FREM1: variants seen among roughly 807,000 people sequenced by gnomAD.
The protein encoded by FREM1 is FRAS1 related extracellular matrix 1.
Under a neutral mutation model 210.1 loss-of-function variants are expected in FREM1, and 220 were observed. The ratio of observed to expected loss-of-function variants is 1.05; its 90% CI spans 0.94 to 1.17. FREM1 has a LOEUF of 1.17. FREM1 is among the 50% of genes most tolerant of loss of function. The pLI, the probability that FREM1 is intolerant of heterozygous loss-of-function variation, is 0.00. For synonymous variants in FREM1, 1,189 were observed against 980.2 expected (o/e 1.21, Z -3.98); for missense variants, 3,454 against 2,675.5 (o/e 1.29, Z -6.42).
intron 1 of FREM1, among the ~76,000 whole-genome samples, chr9:14,906,858 A>C (rs746276514): frequency 4.6e-5 from 7 of 152,220 alleles, no homozygotes; most frequent in Non-Finnish European, 8.8e-5. Context: ...CTTGAGGCTC[A>C]GTCGCTCCCT....
chr9:14,769,444 G>C (rs1847118602), intron 27 of FREM1, among the ~76,000 whole-genome samples: 1 of 152,174 alleles, frequency 6.6e-6, no homozygotes, highest in African/African-American at 2.4e-5. Flanking sequence ...TGGTAAGACA[G>C]AACCCTCCCT....
intron 1 of FREM1, among the ~76,000 whole-genome samples, chr9:14,875,436 C>T (rs1448972155): frequency 6.6e-6 from 1 of 152,196 alleles, no homozygotes; most frequent in Non-Finnish European, 1.5e-5. Context: ...CATCCTCCAT[C>T]ACTGATACCC....
chr9:14,851,336 T>G lies in FREM1; in HGVS notation c.1100A>C (p.Gln367Pro). The G allele has an allele frequency of 3.1e-6, 5 of 1,610,152 alleles. No individual in the cohort carries two copies. The South Asian group carries it at 5.5e-5, about 18-fold the overall frequency. The change falls in exon 6 of 37, where the codon CAG becomes CCG. Residue 367 changes from glutamine to proline, a missense_variant. By Grantham distance (76) the Gln-to-Pro change is moderately conservative (BLOSUM62 -1). Coordinates refer to ENST00000380880, the MANE Select transcript of FREM1 (RefSeq NM_001379081.2). Reference protein sequence around the residue: ...SFTWKDLSDMQIAYQPPNSSH... With the variant: ...SFTWKDLSDMPIAYQPPNSSH... ...GCTGTTTGGTGGCTGATAGGCGATC[T>G]GCATGTCACTGAGATCTTTCCAGGT...
At chr9:14,882,813 T>C (rs1835023841) in intron 1 of FREM1, among the ~76,000 whole-genome samples, 2 of 148,446 alleles carry the variant, frequency 1.3e-5, no homozygotes, top group South Asian at 2.1e-4. Context: ...AATGGGAGGC[T>C]GAAGCAGGAG....
chr9:14,904,395 A>G lies in FREM1; in HGVS notation c.-268+5519T>C, dbSNP rs532273840. On this transcript the variant is annotated intron_variant, in intron 1 of 36. Coordinates refer to ENST00000380880, the MANE Select transcript of FREM1 (RefSeq NM_001379081.2). ...ACTGTTATCACTGAGGACACAATCA[A>G]GATCCACAGCTTTGATAATCAGAGC... is the stretch of plus-strand genomic sequence containing the variant. Among the ~76,000 whole-genome samples the G allele has an allele frequency of 2.6e-5, 4 of 152,354 alleles. No homozygotes were observed. In the South Asian group the frequency reaches 8.3e-4, roughly 32 times the overall value.
intron 1 of FREM1, among the ~76,000 whole-genome samples, chr9:14,881,490 G>C (rs1342393167): frequency 6.6e-6 from 1 of 152,202 alleles, no homozygotes; most frequent in Non-Finnish European, 1.5e-5. Flanking sequence ...ACTGACTTAA[G>C]AAAGGCAATG....
intron 14 of FREM1, among the ~76,000 whole-genome samples, chr9:14,818,678 G>A (rs1045116983): frequency 6.6e-6 from 1 of 152,158 alleles, no homozygotes; most frequent in African/African-American, 2.4e-5. Context: ...GTTTCTCTAG[G>A]ACCATGAGGC....
intron 27 of FREM1, among the ~76,000 whole-genome samples, chr9:14,760,256 A>C (rs985723965): frequency 6.6e-6 from 1 of 152,206 alleles, no homozygotes; most frequent in South Asian, 2.1e-4. Flanking sequence ...GTTCAAGGAG[A>C]CATTCCTTTT....
chr9:14,902,966 C>T (rs762035489), intron 1 of FREM1, among the ~76,000 whole-genome samples: 14 of 152,150 alleles, frequency 9.2e-5, no homozygotes, highest in Non-Finnish European at 1.8e-4. Context: ...ATATAAATTG[C>T]AGTGTTAAAC....
chr9:14,866,606 T>C (rs898890028), intron 2 of FREM1, among the ~76,000 whole-genome samples: 2 of 152,216 alleles, frequency 1.3e-5, no homozygotes, highest in African/African-American at 2.4e-5. Flanking sequence ...CTTAGACAGC[T>C]TGCTCCTGCG....
In FREM1 at chr9:14,807,973, G is replaced by C. The variant is rs747104569; in HGVS notation, c.3055C>G (p.Pro1019Ala). 9.9e-6 allele frequency: 16 copies of C among 1,613,672 alleles called. No homozygotes were observed. Among genetic ancestry groups the C allele is most frequent in the African/African-American group, 1.3e-5 (1 of 75,002 alleles). The change falls in exon 17 of 37, where the codon CCA becomes GCA. Residue 1019 changes from proline to alanine, a missense_variant. Coordinates refer to ENST00000380880, the MANE Select transcript of FREM1 (RefSeq NM_001379081.2). The part of the protein sequence containing the change: ...PVYDLNITVY[P>A]VDNQPPSIAI... ...ATGGAAGGTGGCTGGTTGTCTACTGGGTATACCGTGATGTTGAGATCATAC... is the reference window on the plus strand; with the variant it reads ...ATGGAAGGTGGCTGGTTGTCTACTGCGTATACCGTGATGTTGAGATCATAC...
intron 23 of FREM1, 32 bp from the exon 24 acceptor site, chr9:14,784,666 C>G: frequency 6.9e-7 from 1 of 1,458,506 alleles, no homozygotes; most frequent in African/African-American, 1.4e-5. Flanking sequence ...GGTCAATAAT[C>G]ATATCAAAAA....
intron 7 of FREM1, 99 bp downstream of exon 7, chr9:14,848,566 G>A (rs1202564844): frequency 1.6e-5 from 9 of 571,644 alleles, no homozygotes; most frequent in Non-Finnish European, 2.8e-5. Flanking sequence ...GTTGCCACAT[G>A]TATGACATAG....
chr9:14,824,147 C>T (rs759126577), intron 11 of FREM1, 32 bp from the exon 12 acceptor site: 3 of 1,361,664 alleles, frequency 2.2e-6, no homozygotes, highest in Non-Finnish European at 3.1e-6. Context: ...CACATCAGCT[C>T]ATTTTTAGGT....
intron 34 of FREM1, among the ~76,000 whole-genome samples, chr9:14,746,670 T>G (rs1232853349): frequency 6.6e-6 from 1 of 152,240 alleles, no homozygotes; most frequent in East Asian, 1.9e-4. Flanking sequence ...AACGTTTCAT[T>G]GTTACAACTT....
intron 10 of FREM1, among the ~76,000 whole-genome samples, chr9:14,838,621 G>A (rs557189700): frequency 6.6e-6 from 1 of 152,184 alleles, no homozygotes; most frequent in African/African-American, 2.4e-5. Flanking sequence ...CCTACCAAAT[G>A]TTTGGGTCTT....
At chr9:14,899,485 C>T (rs1376012512) in intron 1 of FREM1, among the ~76,000 whole-genome samples, 1 of 152,204 alleles carries the variant, frequency 6.6e-6, no homozygotes, top group Non-Finnish European at 1.5e-5. Context: ...ATAAACATCA[C>T]AGGCTGCAAA....
intron 14 of FREM1, among the ~76,000 whole-genome samples, chr9:14,817,293 C>T (rs746652224): frequency 1.6e-4 from 25 of 152,192 alleles, no homozygotes; most frequent in Non-Finnish European, 2.9e-4. Context: ...TAAGGCTAGG[C>T]TAATCCTTCC....
At chr9:14,865,012 A>T (rs894239777) in intron 2 of FREM1, among the ~76,000 whole-genome samples, 1 of 152,240 alleles carries the variant, frequency 6.6e-6, no homozygotes, top group African/African-American at 2.4e-5. Flanking sequence ...TTCCTTTTAT[A>T]AAAGGCGACA....
Sources: gnomAD v4.1 joint callset for allele counts (sites outside exome capture counted in the v4.1 genomes callset) on GRCh38, gnomAD v4.1.1 for gene constraint, MANE v1.5 for transcripts, NCBI Gene and HGNC (gene_info 2026-07-23, HGNC 2026-07-21) for gene names.